The following INPP5F variants were observed in gnomAD, a reference collection of about 807,000 sequenced individuals.
The protein encoded by INPP5F is phosphatidylinositide 4-phosphatase SAC2.
In INPP5F, 97 loss-of-function variants were observed where a neutral mutation model predicts 137.2. The observed-to-expected ratio is 0.71, with a 90% confidence interval of 0.60 to 0.84. The LOEUF is 0.84. Ranked by LOEUF, INPP5F falls within the 40% of genes least tolerant of loss-of-function variation. The probability of loss-of-function intolerance (pLI) is 0.00; values close to 1 mark genes in which losing one functional copy is unlikely to be tolerated. For synonymous variants in INPP5F, 504 were observed against 476.9 expected, an observed-to-expected ratio of 1.06 and a Z score of -0.74; for missense variants, 1,271 against 1,371.9, an observed-to-expected ratio of 0.93 and a Z score of 1.16.
intron 9 of INPP5F, among the ~76,000 whole-genome samples, chr10:119,803,257 C>T (rs1850656003): frequency 6.6e-6 from 1 of 152,134 alleles, no homozygotes; most frequent in African/African-American, 2.4e-5. Context: ...TCTTCTAGCT[C>T]TATTATCATT....
chr10:119,785,286 G>GTTGTTTTTTTTTTTTTTTTTTTTTTTT (rs770290302), intron 3 of INPP5F, among the ~76,000 whole-genome samples: 4 of 106,236 alleles, frequency 3.8e-5, no homozygotes, highest in African/African-American at 1.5e-4. Flanking sequence ...CTGCCAGACT[G>GTTGTTTTTTTTTTTTTTTTTTTTTTTT]TTTTTTTTTT....
In INPP5F at chr10:119,749,334, C is replaced by T. The variant is rs374489977; in HGVS notation, c.98-1742C>T. On this transcript the variant is annotated intron_variant, in intron 1 of 19. Coordinates refer to ENST00000650623, the MANE Select transcript of INPP5F (RefSeq NM_014937.4). ...GCTCCATGGAGGGCGCAGCCCTGGC[C>T]GCGCCTCCCCGGATGCATCCAGACA... Among the ~76,000 whole-genome samples, 8 of 152,350 alleles carry T rather than the reference C, an allele frequency of 5.3e-5. No individual in the cohort carries two copies. In the East Asian group the frequency reaches 1.3e-3, roughly 26 times the overall value.
chr10:119,808,347 T>C (rs1482976402), intron 13 of INPP5F, among the ~76,000 whole-genome samples: 2 of 152,160 alleles, frequency 1.3e-5, no homozygotes, highest in Admixed American at 1.3e-4. Context: ...AATCCAGAAT[T>C]TTATATGAAA....
At chr10:119,815,428 A>G (rs1208982467) in intron 15 of INPP5F, 1 of 153,130 alleles carries the variant, frequency 6.5e-6, no homozygotes, top group Non-Finnish European at 1.5e-5. Flanking sequence ...CGTCAGAGTC[A>G]CTGGCTCAGT....
At chr10:119,759,575 C>T (rs1355627163) in intron 2 of INPP5F, among the ~76,000 whole-genome samples, 12 of 151,900 alleles carry the variant, frequency 7.9e-5, no homozygotes, top group African/African-American at 2.7e-4. Context: ...AGGCTGGTCT[C>T]GAACTTCTGG....
At chr10:119,813,657 CAAAAA>C (rs905656670) in intron 15 of INPP5F, among the ~76,000 whole-genome samples, 1 of 151,840 alleles carries the variant, frequency 6.6e-6, no homozygotes, top group African/African-American at 2.4e-5. Flanking sequence ...CAAAAAAACT[CAAAAA>C]AACACTATGG....
At chr10:119,776,094 G>A (rs1483810428) in intron 2 of INPP5F, among the ~76,000 whole-genome samples, 2 of 152,148 alleles carry the variant, frequency 1.3e-5, no homozygotes, top group African/African-American at 4.8e-5. Context: ...TAAGTATTAT[G>A]CTTTGAAGTA....
chr10:119,804,334 C>T lies in INPP5F; in HGVS notation c.1241+37C>T. On this transcript the variant is annotated intron_variant, in intron 10 of 19. Coordinates refer to ENST00000650623, the MANE Select transcript of INPP5F (RefSeq NM_014937.4). ...TTCGGAGAATAGTGTTGATCAATTGCAGTGTTTTTGGTAGATGCTGCCACA... is the reference window on the plus strand; with the variant it reads ...TTCGGAGAATAGTGTTGATCAATTGTAGTGTTTTTGGTAGATGCTGCCACA... 3.2e-6 allele frequency: 5 copies of T among 1,548,040 alleles called. No homozygotes were observed. The South Asian group carries it at 3.7e-5, about 12-fold the overall frequency.
At chr10:119,732,521 A>T in intron 1 of INPP5F, among the ~76,000 whole-genome samples, 3 of 51,568 alleles carry the variant, frequency 5.8e-5, no homozygotes, top group African/African-American at 7.5e-5. Context: ...TTTTTTTGAG[A>T]CGGAGTTTTA....
chr10:119,769,238 T>C (rs1006174400), intron 2 of INPP5F, among the ~76,000 whole-genome samples: 4 of 152,194 alleles, frequency 2.6e-5, no homozygotes, highest in Non-Finnish European at 5.9e-5. Context: ...AATACGTAGT[T>C]GCAGTACCCC....
intron 2 of INPP5F, among the ~76,000 whole-genome samples, chr10:119,756,848 T>G (rs1848860644): frequency 6.9e-6 from 1 of 144,908 alleles, no homozygotes. Context: ...TGCCTGCCCT[T>G]TTAGCAAGCT....
chr10:119,813,759 C>T (rs937040467), intron 15 of INPP5F, among the ~76,000 whole-genome samples: 12 of 152,048 alleles, frequency 7.9e-5, no homozygotes, highest in Admixed American at 2.0e-4. Context: ...TGCTTGGGGA[C>T]GCTGAGTTTG....
In INPP5F at chr10:119,791,621, T is replaced by C. The variant is rs1415038284; in HGVS notation, c.420T>C (p.Asn140=). 1.2e-5 allele frequency: 20 copies of C among 1,604,504 alleles called. No homozygotes were observed. The highest frequency in any genetic ancestry group is 1.7e-5 in the Non-Finnish European group (20 of 1,172,098). The part of the protein sequence containing the change: ...LLKTFTHIKS[N]VSAPNKKKVK... ...AGACCTTTACGCATATTAAATCCAA[T>C]GTGTCTGCTCCTAATAAAAAGAAAG... Residue 140 remains asparagine, a synonymous_variant, in exon 4 of 20, where the codon AAT becomes AAC. Coordinates refer to ENST00000650623, the MANE Select transcript of INPP5F (RefSeq NM_014937.4).
intron 1 of INPP5F, among the ~76,000 whole-genome samples, chr10:119,742,063 C>T (rs574513351): frequency 3.5e-4 from 54 of 152,320 alleles, no homozygotes; most frequent in African/African-American, 1.3e-3. Context: ...TCAAGTTCTT[C>T]AGCCTCATTC....
At chr10:119,756,738 C>T (rs1369650340) in intron 2 of INPP5F, among the ~76,000 whole-genome samples, 1 of 151,886 alleles carries the variant, frequency 6.6e-6, no homozygotes, top group African/African-American at 2.4e-5. Context: ...ACATTAGTAG[C>T]GTTAGTGAAA....
At chr10:119,781,832 G>T in intron 3 of INPP5F, 61 bp downstream of exon 3, 1 of 1,381,398 alleles carries the variant, frequency 7.2e-7, no homozygotes. Context: ...CAAATATGAG[G>T]ATTTGGTTCA....
chr10:119,733,397 T>G (rs895064702), intron 1 of INPP5F, among the ~76,000 whole-genome samples: 5 of 152,196 alleles, frequency 3.3e-5, no homozygotes, highest in African/African-American at 1.2e-4. Context: ...ATCTGCAGTT[T>G]GGGAAGGGAA....
At chr10:119,749,697 G>A (rs1473810241) in intron 1 of INPP5F, among the ~76,000 whole-genome samples, 1 of 152,154 alleles carries the variant, frequency 6.6e-6, no homozygotes, top group Non-Finnish European at 1.5e-5. Context: ...TGTAAAGTGA[G>A]ACTCCTTAAA....
chr10:119,808,719 C>T (rs749344730), intron 13 of INPP5F, among the ~76,000 whole-genome samples: 9 of 152,148 alleles, frequency 5.9e-5, no homozygotes, highest in Non-Finnish European at 1.2e-4. Flanking sequence ...ATAAATTACT[C>T]AGTCTGAGGG....
Sources: allele counts gnomAD v4.1 joint callset (sites outside exome capture counted in the v4.1 genomes callset), GRCh38; gene constraint gnomAD v4.1.1; transcripts MANE v1.5; gene names NCBI Gene and HGNC (gene_info 2026-07-23, HGNC 2026-07-21).